LRRC37A3: variants seen among roughly 807,000 people sequenced by gnomAD.
LRRC37A3 encodes the protein leucine rich repeat containing 37 member A3.
A neutral mutation model predicts 106.2 loss-of-function variants in LRRC37A3; 25 were observed. That is an observed-to-expected ratio of 0.24 (90% confidence interval 0.17 to 0.33). The LOEUF (loss-of-function observed/expected upper bound fraction) is 0.33, where lower values mean the gene tolerates loss of function less well. Among genes scored for constraint, LRRC37A3 ranks in the 10% least tolerant of loss-of-function variants. The probability of loss-of-function intolerance (pLI) is 1.00; values close to 1 mark genes in which losing one functional copy is unlikely to be tolerated. For synonymous variants in LRRC37A3, 305 were observed against 635.8 expected, an observed-to-expected ratio of 0.48 and a Z score of 7.83; for missense variants, 712 against 1,644.9, an observed-to-expected ratio of 0.43 and a Z score of 9.81.
chr17:64,869,464 T>C (rs1353006240), intron 8 of LRRC37A3, among the ~76,000 whole-genome samples: 1 of 151,854 alleles, frequency 6.6e-6, no homozygotes, highest in Non-Finnish European at 1.5e-5. Flanking sequence ...GTGACTATGT[T>C]GGTAGGAAGC....
intron 14 of LRRC37A3, 89 bp downstream of exon 14, chr17:64,855,751 G>A (rs1339074677): frequency 5.3e-5 from 85 of 1,590,680 alleles, no homozygotes; most frequent in Admixed American, 8.5e-5. Context: ...GCCGTGAGCC[G>A]AGATCGCGTC....
intron 10 of LRRC37A3, among the ~76,000 whole-genome samples, chr17:64,868,254 CT>C (rs955083640): frequency 2.6e-5 from 4 of 151,986 alleles, no homozygotes; most frequent in African/African-American, 4.8e-5. Context: ...CAGGAGGGGC[CT>C]TTTTGAGGCA....
chr17:64,860,187 T>C lies in LRRC37A3; in HGVS notation c.3959A>G (p.Lys1320Arg), dbSNP rs1422602396. 51 of 1,613,852 alleles carry C rather than the reference T, an allele frequency of 3.2e-5. No individual in the cohort carries two copies. The highest frequency in any genetic ancestry group is 4.2e-5 in the Non-Finnish European group (50 of 1,179,870). The change falls in exon 12 of 15, where the codon AAG becomes AGG. Residue 1320 changes from lysine to arginine, a missense_variant. Transcript: ENST00000584306. ...TCTGACCTTTGGACTCTTTTTGACC[T>C]TGGGTGTTCTGTGGGTCATGCGGGA... ...TRSRMTHRTP[K>R]VKKSPKVRKK...
chr17:64,913,863 C>G (rs1974648521), intron 2 of LRRC37A3, among the ~76,000 whole-genome samples: 1 of 151,392 alleles, frequency 6.6e-6, no homozygotes, highest in Non-Finnish European at 1.5e-5. Context: ...ATCACTAGAA[C>G]AAGCAGACAG....
At chr17:64,914,139 TAAAC>T (rs1974655078) in intron 2 of LRRC37A3, among the ~76,000 whole-genome samples, 1 of 150,002 alleles carries the variant, frequency 6.7e-6, no homozygotes, top group Non-Finnish European at 1.5e-5. Flanking sequence ...GTTTGAAAAT[TAAAC>T]AATACGTTTT....
chr17:64,880,136 T>C (rs950694979), intron 8 of LRRC37A3, among the ~76,000 whole-genome samples: 4 of 151,896 alleles, frequency 2.6e-5, no homozygotes, highest in African/African-American at 9.7e-5. Context: ...CATTCGATAT[T>C]ATCCTATTTT....
intron 11 of LRRC37A3, among the ~76,000 whole-genome samples, chr17:64,861,597 C>G (rs1221111132): frequency 1.3e-5 from 2 of 152,304 alleles, no homozygotes; most frequent in Non-Finnish European, 2.9e-5. Context: ...ACTGTGTCCA[C>G]CCTAGTTCTT....
At chr17:64,857,431 G>A (rs1359135850) in intron 13 of LRRC37A3, among the ~76,000 whole-genome samples, 2 of 152,360 alleles carry the variant, frequency 1.3e-5, no homozygotes, top group South Asian at 2.1e-4. Context: ...TTGTACAGAT[G>A]TAAATTCTCA....
chr17:64,869,928 A>G lies in LRRC37A3; in HGVS notation c.2907-762T>C, dbSNP rs1973254095. 1.9e-4 allele frequency among the ~76,000 whole-genome samples: 3 copies of G among 15,956 alleles called. No homozygotes were observed. In the South Asian group the frequency reaches 4.2e-3, roughly 22 times the overall value. The allele number at this position is 15,956 out of a possible 152,430, so 10.5% of individuals were successfully genotyped here. On this transcript the variant is annotated intron_variant, in intron 8 of 14. Transcript: ENST00000584306. ...AATAGGACCAATTATTTTGCTTTAT[A>G]GCCAAAGAAGGAATAAATCTAAGAG...
At chr17:64,878,601 A>G (rs557682321) in intron 8 of LRRC37A3, among the ~76,000 whole-genome samples, 64 of 152,360 alleles carry the variant, frequency 4.2e-4, no homozygotes, top group African/African-American at 1.5e-3. Flanking sequence ...TTAAATCATT[A>G]GGGAAATGTC....
intron 8 of LRRC37A3, chr17:64,881,238 T>G: frequency 1.4e-6 from 1 of 699,052 alleles, no homozygotes; most frequent in South Asian, 1.5e-5. Flanking sequence ...TTTTCTTTTC[T>G]TTTCTTTTCT....
At chr17:64,913,109 A>G (rs3106153) in intron 2 of LRRC37A3, among the ~76,000 whole-genome samples, 250 of 134,038 alleles carry the variant, frequency 1.9e-3, no homozygotes, top group South Asian at 3.6e-3. Context: ...GCTTACTGCA[A>G]CCTCTGCCTC....
intron 4 of LRRC37A3, among the ~76,000 whole-genome samples, chr17:64,893,943 C>A (rs1567778736): frequency 6.7e-6 from 1 of 148,358 alleles, no homozygotes; most frequent in African/African-American, 2.6e-5. Context: ...TGAGCCACCA[C>A]ACCCAGCCTC....
chr17:64,913,183 C>T (rs1367612943), intron 2 of LRRC37A3, among the ~76,000 whole-genome samples: 3 of 151,780 alleles, frequency 2.0e-5, no homozygotes, highest in African/African-American at 7.3e-5. Flanking sequence ...CAGCTGCCAC[C>T]GTGCCTGGCT....
intron 8 of LRRC37A3, among the ~76,000 whole-genome samples, chr17:64,873,951 T>C (rs1387895399): frequency 4.6e-5 from 7 of 152,054 alleles, no homozygotes; most frequent in Non-Finnish European, 1.0e-4. Flanking sequence ...CTCAAGGAAC[T>C]ACAAGTAGGA....
At chr17:64,892,283 AG>A (rs1973970586) in intron 5 of LRRC37A3, among the ~76,000 whole-genome samples, 1 of 28,078 alleles carries the variant, frequency 3.6e-5, no homozygotes, top group Non-Finnish European at 5.6e-5. Context: ...AAAAAAAAAG[AG>A]AACAAAAAGG....
At chr17:64,912,779 G>A (rs1016351395) in intron 2 of LRRC37A3, among the ~76,000 whole-genome samples, 39 of 70,028 alleles carry the variant, frequency 5.6e-4, no homozygotes, top group African/African-American at 1.6e-3. Context: ...CAAGTATGGT[G>A]GCTCACGCCT....
chr17:64,870,150 G>A (rs1290279200), intron 8 of LRRC37A3, among the ~76,000 whole-genome samples: 1 of 149,724 alleles, frequency 6.7e-6, no homozygotes. Flanking sequence ...GAGTGCAGTG[G>A]CGCAATCTTG....
chr17:64,917,807 A>C (rs1974740078), intron 2 of LRRC37A3, among the ~76,000 whole-genome samples: 1 of 149,066 alleles, frequency 6.7e-6, no homozygotes, highest in South Asian at 2.1e-4. Flanking sequence ...TCTCTACTGA[A>C]AATACCAAAA....
Sources: allele counts gnomAD v4.1 joint callset (sites outside exome capture counted in the v4.1 genomes callset), GRCh38; gene constraint gnomAD v4.1.1; transcripts MANE v1.5; gene names NCBI Gene and HGNC (gene_info 2026-07-23, HGNC 2026-07-21).